The following SOX6 variants were observed in gnomAD, a reference collection of about 807,000 sequenced individuals.
The protein encoded by SOX6 is SRY-box transcription factor 6.
Under a neutral mutation model 97.8 loss-of-function variants are expected in SOX6, and 11 were observed. The observed-to-expected ratio is 0.11, with a 90% confidence interval of 0.07 to 0.19. SOX6 has a LOEUF of 0.19. Among genes scored for constraint, SOX6 ranks in the 10% least tolerant of loss-of-function variants. The pLI, the probability that SOX6 is intolerant of heterozygous loss-of-function variation, is 1.00. For synonymous variants in SOX6, 360 were observed against 371.4 expected, an observed-to-expected ratio of 0.97 and a Z score of 0.35; for missense variants, 810 against 1,039.5, an observed-to-expected ratio of 0.78 and a Z score of 3.04.
chr11:16,655,140 G>A (rs566098832), intron 3 of SOX6, among the ~76,000 whole-genome samples: 1 of 152,282 alleles, frequency 6.6e-6, no homozygotes, highest in African/African-American at 2.4e-5. Flanking sequence ...TTTCTTCCAG[G>A]CACATTGACG....
chr11:16,636,734 C>A (rs1848796090), intron 3 of SOX6, among the ~76,000 whole-genome samples: 1 of 152,112 alleles, frequency 6.6e-6, no homozygotes, highest in Admixed American at 6.5e-5. Flanking sequence ...ATCATGGGGG[C>A]AGTTGCCTCC....
chr11:16,016,711 T>C (rs1854896929), intron 12 of SOX6, among the ~76,000 whole-genome samples: 1 of 152,010 alleles, frequency 6.6e-6, no homozygotes, highest in Non-Finnish European at 1.5e-5. Context: ...AGAAAAAGAA[T>C]TAAAGTGGAG....
chr11:16,380,954 G>T (rs963424335), intron 1 of SOX6, among the ~76,000 whole-genome samples: 4 of 152,008 alleles, frequency 2.6e-5, no homozygotes, highest in African/African-American at 9.7e-5. Flanking sequence ...ATATGATCTT[G>T]AGCAAGCCAA....
intron 2 of SOX6, among the ~76,000 whole-genome samples, chr11:16,339,287 T>C (rs1307596375): frequency 6.6e-6 from 1 of 152,018 alleles, no homozygotes; most frequent in African/African-American, 2.4e-5. Flanking sequence ...TAATGTTATC[T>C]CCAAGGTCCT....
chr11:16,471,591 T>C (rs1407403358), intron 1 of SOX6, among the ~76,000 whole-genome samples: 2 of 152,200 alleles, frequency 1.3e-5, no homozygotes, highest in East Asian at 1.9e-4. Context: ...CTGAACCCAT[T>C]TGCCTGTTCT....
At chr11:16,541,411 G>T (rs1861406483) in intron 4 of SOX6, among the ~76,000 whole-genome samples, 1 of 152,042 alleles carries the variant, frequency 6.6e-6, no homozygotes, top group Non-Finnish European at 1.5e-5. Context: ...CATAGGCATG[G>T]GCAAGGACTT....
chr11:16,514,796 G>A (rs939392891), intron 4 of SOX6, among the ~76,000 whole-genome samples: 3 of 149,784 alleles, frequency 2.0e-5, no homozygotes, highest in Admixed American at 6.7e-5. Context: ...AATATGCGGT[G>A]TTTGGCTTTT....
rs1457537625 is a variant in SOX6 at position 16,545,323 on chromosome 11, T to A, written n.609+66758A>T. 4.2e-5 allele frequency among the ~76,000 whole-genome samples: 6 copies of A among 141,872 alleles called. No homozygotes were observed. The East Asian group carries it at 1.0e-3, about 24-fold the overall frequency. The allele number at this position is 141,872 out of a possible 152,430, so 93.1% of individuals were successfully genotyped here. Reference sequence around the variant, plus strand: ...TATAAACCCATGGATCCAAAAACTTTAACAAAGTAAAGTCCAAGCCCAAAA... The same window carrying A: ...TATAAACCCATGGATCCAAAAACTTAAACAAAGTAAAGTCCAAGCCCAAAA... On this transcript the variant is annotated intron_variant and non_coding_transcript_variant, in intron 4 of 5. Transcript: ENST00000524520.
intron 10 of SOX6, among the ~76,000 whole-genome samples, chr11:16,053,085 T>A (rs1288180247): frequency 6.6e-6 from 1 of 152,108 alleles, no homozygotes; most frequent in Non-Finnish European, 1.5e-5. Context: ...ACAAATTCCA[T>A]CTGCATTAGC....
At chr11:16,110,471 T>C (rs1451384818) in intron 7 of SOX6, 7 of 152,080 alleles carry the variant, frequency 4.6e-5, no homozygotes, top group Non-Finnish European at 8.8e-5. Context: ...TCATAGTAGC[T>C]AAGTATACCT....
At chr11:16,539,001 T>TC in intron 4 of SOX6, among the ~76,000 whole-genome samples, 1 of 152,090 alleles carries the variant, frequency 6.6e-6, no homozygotes, top group South Asian at 2.1e-4. Flanking sequence ...GAACTCTCCA[T>TC]CCAAATCAAC....
intron 1 of SOX6, among the ~76,000 whole-genome samples, chr11:16,439,540 T>C (rs575036939): frequency 5.9e-5 from 9 of 152,324 alleles, no homozygotes; most frequent in African/African-American, 1.7e-4. Context: ...AAGAATACTA[T>C]ATAGACCTTC....
chr11:16,725,894 T>C (rs1312137320), intron 2 of SOX6, among the ~76,000 whole-genome samples: 1 of 152,240 alleles, frequency 6.6e-6, no homozygotes, highest in African/African-American at 2.4e-5. Context: ...TCTTATTCTG[T>C]ACTAATTTTA....
chr11:16,111,173 T>G (rs1039492450), intron 7 of SOX6, among the ~76,000 whole-genome samples: 2 of 152,146 alleles, frequency 1.3e-5, no homozygotes, highest in African/African-American at 4.8e-5. Context: ...ATGCCCCTAA[T>G]TGAATTCCCC....
chr11:16,510,135 T>C (rs1860854668), intron 4 of SOX6, among the ~76,000 whole-genome samples: 1 of 152,008 alleles, frequency 6.6e-6, no homozygotes, highest in South Asian at 2.1e-4. Flanking sequence ...AAGGAAAAGG[T>C]TGCCACTCTC....
At position 16,238,638 on chromosome 11, in the gene SOX6, A is replaced by T. The variant is rs1451590374; in HGVS notation, c.446-3967T>A. Among the ~76,000 whole-genome samples, 6 of 152,148 alleles carry T rather than the reference A, an allele frequency of 3.9e-5. No individual in the cohort carries two copies. In the East Asian group the frequency reaches 9.6e-4, roughly 24 times the overall value. On this transcript the variant is annotated intron_variant, in intron 3 of 15. Coordinates refer to ENST00000683767, the MANE Select transcript of SOX6 (RefSeq NM_001367873.1). ...ATAAAGGTATTTCAGATAGATCAAA[A>T]ATAAATAAACAAATTGTCATTAAAC...
chr11:16,668,395 T>C (rs1055308584), intron 3 of SOX6, among the ~76,000 whole-genome samples: 3 of 151,600 alleles, frequency 2.0e-5, no homozygotes, highest in Non-Finnish European at 4.4e-5. Context: ...AATCAATAAA[T>C]AAACAGATAC....
At chr11:16,540,422 G>A (rs1272747283) in intron 4 of SOX6, among the ~76,000 whole-genome samples, 1 of 152,154 alleles carries the variant, frequency 6.6e-6, no homozygotes, top group Non-Finnish European at 1.5e-5. Context: ...AGACAGGGAT[G>A]CCCTCTCTCA....
At chr11:16,471,495 G>A (rs941590672) in intron 1 of SOX6, among the ~76,000 whole-genome samples, 9 of 152,182 alleles carry the variant, frequency 5.9e-5, no homozygotes, top group Non-Finnish European at 1.0e-4. Context: ...CCATGGCCAT[G>A]AGGTATAACT....
Sources: gnomAD v4.1 joint callset for allele counts (sites outside exome capture counted in the v4.1 genomes callset) on GRCh38, gnomAD v4.1.1 for gene constraint, MANE v1.5 for transcripts, NCBI Gene and HGNC (gene_info 2026-07-23, HGNC 2026-07-21) for gene names.